Variants in ALK observed in about 807,000 individuals in gnomAD.
The protein encoded by ALK is ALK tyrosine kinase receptor.
ALK carries 74 observed loss-of-function variants against 163.1 expected under a neutral mutation model. The observed-to-expected ratio is 0.45, with a 90% CI of 0.38 to 0.55. The LOEUF is 0.55. ALK is among the 20% of genes least tolerant of loss of function. ALK has a pLI of 0.00. For missense variants in ALK, 2,063 were observed against 2,105.3 expected, an observed-to-expected ratio of 0.98 and a Z score of 0.39; for synonymous variants, 960 against 843.2, an observed-to-expected ratio of 1.14 and a Z score of -2.40.
intron 16 of ALK, 132 bp downstream of exon 16, chr2:29,228,752 G>C: frequency 1.5e-6 from 1 of 681,710 alleles, no homozygotes; most frequent in South Asian, 1.7e-5. Flanking sequence ...CAGGTCGAGA[G>C]GGAGGCGTGC....
chr2:29,303,668 G>A (rs1205688103), intron 8 of ALK, among the ~76,000 whole-genome samples: 1 of 152,194 alleles, frequency 6.6e-6, no homozygotes, highest in Non-Finnish European at 1.5e-5. Context: ...TAAAGAAAAT[G>A]TGGTACATAT....
At chr2:29,586,122 G>A (rs1674880440) in intron 3 of ALK, among the ~76,000 whole-genome samples, 1 of 151,938 alleles carries the variant, frequency 6.6e-6, no homozygotes, top group Non-Finnish European at 1.5e-5. Context: ...TTTTTAATTT[G>A]CATCTTTGAA....
chr2:29,803,014 G>T (rs1029403327), intron 1 of ALK, among the ~76,000 whole-genome samples: 4 of 152,176 alleles, frequency 2.6e-5, no homozygotes, highest in Admixed American at 2.6e-4. Context: ...TTAAAAAGTA[G>T]TTACAATGTA....
At chr2:29,865,428 C>A (rs893884417) in intron 1 of ALK, among the ~76,000 whole-genome samples, 1 of 152,250 alleles carries the variant, frequency 6.6e-6, no homozygotes, top group Admixed American at 6.5e-5. Context: ...CTTCACCATT[C>A]TGCCAATCAG....
intron 3 of ALK, among the ~76,000 whole-genome samples, chr2:29,655,659 T>A (rs758508359): frequency 7.2e-5 from 11 of 152,088 alleles, no homozygotes; most frequent in Non-Finnish European, 1.6e-4. Context: ...CACCTTGGAG[T>A]TGTAAGGTCT....
At chr2:29,366,838 G>A (rs1049979108) in intron 5 of ALK, among the ~76,000 whole-genome samples, 1 of 152,220 alleles carries the variant, frequency 6.6e-6, no homozygotes, top group Non-Finnish European at 1.5e-5. Context: ...AGATTAAGCT[G>A]TTTGCCATTG....
At chr2:29,223,660 T>C (rs1669872468) in intron 19 of ALK, 132 bp from the exon 20 acceptor site, 2 of 744,366 alleles carry the variant, frequency 2.7e-6, no homozygotes, top group Non-Finnish European at 4.5e-6. Context: ...CCATCATACT[T>C]AGAAATACTA....
chr2:29,688,899 C>G (rs1678312411), intron 3 of ALK, among the ~76,000 whole-genome samples: 2 of 152,108 alleles, frequency 1.3e-5, no homozygotes, highest in Admixed American at 1.3e-4. Flanking sequence ...GCCACTGAAC[C>G]CTGTGGGCCA....
In ALK at chr2:29,748,138, C is replaced by A. The variant is rs187983713; in HGVS notation, c.668-30441G>T. ...GTTGCAAGACCCACAACAAGAGATC[C>A]ACATGGTGCCTTTGATGTGACACTC... On this transcript the variant is annotated intron_variant, in intron 1 of 28. Coordinates refer to ENST00000389048, the MANE Select transcript of ALK (RefSeq NM_004304.5). Among the ~76,000 whole-genome samples, 136 of 152,228 alleles carry A rather than the reference C, an allele frequency of 8.9e-4. No individual in the cohort carries two copies. In the Middle Eastern group the frequency reaches 0.017, roughly 19 times the overall value.
chr2:29,631,196 C>T (rs1385003143), intron 3 of ALK, among the ~76,000 whole-genome samples: 3 of 152,184 alleles, frequency 2.0e-5, no homozygotes, highest in Admixed American at 6.6e-5. Flanking sequence ...GAGAAAATTC[C>T]CCATTAATAT....
chr2:29,450,635 T>A (rs1226264209), intron 4 of ALK, among the ~76,000 whole-genome samples: 1 of 152,054 alleles, frequency 6.6e-6, no homozygotes, highest in South Asian at 2.1e-4. Context: ...AAATAAAAAA[T>A]TATAAATGGA....
intron 1 of ALK, among the ~76,000 whole-genome samples, chr2:29,888,838 T>C (rs1468050308): frequency 2.0e-5 from 3 of 152,160 alleles, no homozygotes; most frequent in Non-Finnish European, 4.4e-5. Flanking sequence ...ATCAGAAAAA[T>C]GTTGTTACCG....
chr2:29,577,055 C>T (rs1674544438), intron 3 of ALK, among the ~76,000 whole-genome samples: 1 of 152,156 alleles, frequency 6.6e-6, no homozygotes, highest in South Asian at 2.1e-4. Context: ...GAAAAATCAT[C>T]TTCCACGAAA....
chr2:29,646,532 G>A (rs1410546651), intron 3 of ALK, among the ~76,000 whole-genome samples: 2 of 152,052 alleles, frequency 1.3e-5, no homozygotes, highest in Non-Finnish European at 2.9e-5. Context: ...TCCTTATGAT[G>A]TTTCCAAGAC....
chr2:29,589,375 G>T (rs569568373), intron 3 of ALK, among the ~76,000 whole-genome samples: 2 of 152,282 alleles, frequency 1.3e-5, no homozygotes, highest in African/African-American at 4.8e-5. Flanking sequence ...GAAGTTGGAG[G>T]ATCTCTAGTC....
At chr2:29,574,168 G>A (rs1278517567) in intron 3 of ALK, among the ~76,000 whole-genome samples, 1 of 152,236 alleles carries the variant, frequency 6.6e-6, no homozygotes, top group African/African-American at 2.4e-5. Context: ...GCAGTGGTTA[G>A]AGCATGGCTC....
chr2:29,219,363 C>A (rs1338209236), intron 23 of ALK, among the ~76,000 whole-genome samples: 1 of 152,190 alleles, frequency 6.6e-6, no homozygotes, highest in East Asian at 1.9e-4. Flanking sequence ...TACATGGATC[C>A]TGACTGAAGG....
intron 3 of ALK, among the ~76,000 whole-genome samples, chr2:29,587,017 A>G (rs1050325558): frequency 3.3e-5 from 5 of 152,166 alleles, no homozygotes; most frequent in African/African-American, 1.2e-4. Flanking sequence ...CTGCCCCTCA[A>G]TGCAAATGAA....
chr2:29,695,457 C>G (rs1471978442), intron 2 of ALK, among the ~76,000 whole-genome samples: 1 of 152,150 alleles, frequency 6.6e-6, no homozygotes, highest in Non-Finnish European at 1.5e-5. Context: ...CTCACCTGTA[C>G]ATTAGGCTGA....
Sources: allele counts gnomAD v4.1 joint callset (sites outside exome capture counted in the v4.1 genomes callset), GRCh38; gene constraint gnomAD v4.1.1; transcripts MANE v1.5; gene names NCBI Gene and HGNC (gene_info 2026-07-23, HGNC 2026-07-21).